TNRC6B: variants seen among roughly 807,000 people sequenced by gnomAD.
TNRC6B encodes the protein trinucleotide repeat-containing gene 6B protein.
In TNRC6B, 52 loss-of-function variants were observed where a neutral mutation model predicts 203.6. The ratio of observed to expected loss-of-function variants is 0.26; its 90% CI spans 0.20 to 0.32. The LOEUF is 0.32. TNRC6B is among the 10% of genes least tolerant of loss of function. TNRC6B has a pLI of 1.00. For missense variants in TNRC6B, 1,923 were observed against 2,286.2 expected, an observed-to-expected ratio of 0.84 and a Z score of 3.24; for synonymous variants, 838 against 845.7, an observed-to-expected ratio of 0.99 and a Z score of 0.16.
chr22:40,080,084 C>T (rs538555927), intron 1 of TNRC6B, among the ~76,000 whole-genome samples: 56 of 148,024 alleles, frequency 3.8e-4, no homozygotes, highest in East Asian at 3.7e-3. Flanking sequence ...CGTGAGCCAC[C>T]GTGCCTGGCC....
At chr22:40,112,381 CCCCCAG>C (rs1225813939) in intron 1 of TNRC6B, among the ~76,000 whole-genome samples, 8 of 152,168 alleles carry the variant, frequency 5.3e-5, no homozygotes, top group African/African-American at 1.9e-4. Flanking sequence ...ATGACCCTGT[CCCCCAG>C]TCTGCCATGT....
At chr22:40,132,961 AAAAAAAAAAT>A (rs2068563432) in intron 3 of TNRC6B, among the ~76,000 whole-genome samples, 2 of 95,626 alleles carry the variant, frequency 2.1e-5, no homozygotes, top group Non-Finnish European at 2.2e-5. Context: ...AAAAAAAAAA[AAAAAAAAAAT>A]ATATATATAT....
At chr22:40,255,843 CTTGT>C (rs150478933) in intron 3 of TNRC6B, among the ~76,000 whole-genome samples, 94 of 151,682 alleles carry the variant, frequency 6.2e-4, no homozygotes, top group East Asian at 3.5e-3. Context: ...TGTTTGTTTG[CTTGT>C]TTGTTTGTTT....
chr22:40,323,334 A>T lies in TNRC6B; in HGVS notation c.*93A>T, dbSNP rs1009423744. 8.4e-6 allele frequency: 12 copies of T among 1,431,870 alleles called. No individual in the cohort carries two copies. The highest frequency in any genetic ancestry group is 9.3e-6 in the Non-Finnish European group (10 of 1,076,172). 88.7% of individuals were successfully genotyped at this position (1,431,870 alleles called of 1,614,324 possible). The stretch of plus-strand genomic sequence containing the variant: ...CGTTTTTTTTTTCAACTTGCAATAA[A>T]TACATTTTTAAAAGGAAAAAAGAAA... On this transcript the variant is annotated 3_prime_UTR_variant, in exon 23 of 23. Transcript: ENST00000454349.
At chr22:40,264,613 GGA>G in intron 4 of TNRC6B, 73 bp from the exon 5 acceptor site, 1 of 1,474,214 alleles carries the variant, frequency 6.8e-7, no homozygotes, top group South Asian at 1.4e-5. Flanking sequence ...AGAGCTCAAA[GGA>G]GAGCCCCTTT....
At chr22:40,098,538 C>T (rs1405526748) in intron 1 of TNRC6B, among the ~76,000 whole-genome samples, 1 of 152,042 alleles carries the variant, frequency 6.6e-6, no homozygotes, top group African/African-American at 2.4e-5. Context: ...TTTGCATTAT[C>T]AGACTTTTTA....
chr22:40,061,020 A>G (rs1015543616), intron 1 of TNRC6B, among the ~76,000 whole-genome samples: 5 of 152,218 alleles, frequency 3.3e-5, no homozygotes, highest in African/African-American at 4.8e-5. Flanking sequence ...GATGCCACCC[A>G]AGAGCCAACC....
At chr22:40,119,783 G>C (rs2068426647) in intron 2 of TNRC6B, among the ~76,000 whole-genome samples, 1 of 152,142 alleles carries the variant, frequency 6.6e-6, no homozygotes, top group East Asian at 1.9e-4. Context: ...CTTCTTACAT[G>C]GAACCCTTAG....
chr22:40,094,710 T>G (rs2146299661), intron 1 of TNRC6B, among the ~76,000 whole-genome samples: 1 of 152,366 alleles, frequency 6.6e-6, no homozygotes, highest in East Asian at 1.9e-4. Flanking sequence ...AGCATTTCAT[T>G]GGTAAGCACT....
At position 40,333,217 on chromosome 22, in the gene TNRC6B, G is replaced by A. The variant is rs986389820; in HGVS notation, c.*9976G>A. Reference sequence around the variant, plus strand: ...CCGGACGCAGTGGCGCGCGCCTGTGGTCCCAGCTGCTCGGGAGGCTAAGGC... The same window carrying A: ...CCGGACGCAGTGGCGCGCGCCTGTGATCCCAGCTGCTCGGGAGGCTAAGGC... On this transcript the variant is annotated 3_prime_UTR_variant, in exon 23 of 23. Coordinates refer to ENST00000454349, the MANE Select transcript of TNRC6B (RefSeq NM_001162501.2). 25 of 152,234 alleles carry A rather than the reference G, an allele frequency of 1.6e-4. No homozygotes were observed. The highest frequency in any genetic ancestry group is 6.0e-4 in the African/African-American group (25 of 41,428). The allele number at this position is 152,234 out of a possible 1,614,324, so 9.4% of individuals were successfully genotyped here.
At position 40,266,015 on chromosome 22, in the gene TNRC6B, C is replaced by T. The variant is rs1487512597; in HGVS notation, c.1785C>T (p.Pro595=). ...SHNSGRRSYR[P]THPDCQAVLQ... ...ACTCTGGCCGTCGGTCGTACAGGCC[C>T]ACACATCCTGATTGTCAGGCTGTCT... The change falls in exon 5 of 23, where the codon CCC becomes CCT. Residue 595 remains proline (P), a synonymous_variant. Coordinates refer to ENST00000454349, the MANE Select transcript of TNRC6B (RefSeq NM_001162501.2). The T allele has an allele frequency of 1.2e-6, 2 of 1,613,814 alleles. No homozygotes were observed. Among genetic ancestry groups the T allele is most frequent in the Non-Finnish European group, 8.5e-7 (1 of 1,179,898 alleles).
At chr22:40,322,500 C>A (rs188624637) in intron 22 of TNRC6B, among the ~76,000 whole-genome samples, 6 of 152,224 alleles carry the variant, frequency 3.9e-5, no homozygotes, top group African/African-American at 1.2e-4. Flanking sequence ...CTTAGCCCCC[C>A]ACAGACACAC....
At chr22:40,189,147 G>C (rs887814592) in intron 1 of TNRC6B, among the ~76,000 whole-genome samples, 4 of 152,138 alleles carry the variant, frequency 2.6e-5, no homozygotes, top group African/African-American at 7.2e-5. Context: ...TTGATGCCCA[G>C]AGTGTTGTCT....
chr22:40,148,283 C>CT (rs907310952), intron 3 of TNRC6B, among the ~76,000 whole-genome samples: 4,605 of 128,758 alleles, frequency 0.036, 115 homozygotes, highest in African/African-American at 0.061. Context: ...AAAACAGTTT[C>CT]TTTTTTTTTT....
intron 3 of TNRC6B, among the ~76,000 whole-genome samples, chr22:40,146,554 C>T (rs558442350): frequency 2.7e-5 from 4 of 146,036 alleles, no homozygotes; most frequent in Non-Finnish European, 4.4e-5. Flanking sequence ...GCCACCACGC[C>T]CGGCTAATTT....
intron 2 of TNRC6B, among the ~76,000 whole-genome samples, chr22:40,118,536 G>A (rs1279093156): frequency 6.6e-6 from 1 of 152,214 alleles, no homozygotes; most frequent in Non-Finnish European, 1.5e-5. Flanking sequence ...GCATGTGATA[G>A]AGGCACAGTA....
At position 40,251,419 on chromosome 22, in the gene TNRC6B, C is replaced by A. The variant is rs139937522; in HGVS notation, c.115+219C>A. Among the ~76,000 whole-genome samples the A allele has an allele frequency of 3.6e-3, 552 of 152,176 alleles. 3 individuals carry two copies. The highest frequency in any genetic ancestry group is 0.014 in the Middle Eastern group (4 of 294). ...TTTTTAGGAGTCAAAAGAGTAAATA[C>A]CTTGTTTTAAAAAGTATATGGGTCA... On this transcript the variant is annotated intron_variant, in intron 3 of 22. Coordinates refer to ENST00000454349, the MANE Select transcript of TNRC6B (RefSeq NM_001162501.2).
At chr22:40,263,358 A>T (rs2070417220) in intron 4 of TNRC6B, among the ~76,000 whole-genome samples, 1 of 152,206 alleles carries the variant, frequency 6.6e-6, no homozygotes, top group South Asian at 2.1e-4. Context: ...TCCTGCAGAG[A>T]TAAGCCCTAC....
intron 1 of TNRC6B, among the ~76,000 whole-genome samples, chr22:40,063,916 T>A (rs2067874610): frequency 6.6e-6 from 1 of 152,150 alleles, no homozygotes; most frequent in Non-Finnish European, 1.5e-5. Context: ...TTGCCTAGGT[T>A]GGTCTCGAAC....
Sources: allele counts gnomAD v4.1 joint callset (sites outside exome capture counted in the v4.1 genomes callset), GRCh38; gene constraint gnomAD v4.1.1; transcripts MANE v1.5; gene names NCBI Gene and HGNC (gene_info 2026-07-23, HGNC 2026-07-21).